The following EVI5 variants were observed in gnomAD, a reference collection of about 807,000 sequenced individuals.
EVI5 encodes ecotropic viral integration site 5.
Under a neutral mutation model 112.0 loss-of-function variants are expected in EVI5, and 73 were observed. The ratio of observed to expected loss-of-function variants is 0.65; its 90% CI spans 0.54 to 0.79. The LOEUF (loss-of-function observed/expected upper bound fraction) is 0.79. Ranked by LOEUF, EVI5 falls within the 30% of genes least tolerant of loss-of-function variation. The probability of loss-of-function intolerance (pLI) is 0.00; values close to 1 mark genes in which losing one functional copy is unlikely to be tolerated. For missense variants in EVI5, 900 were observed against 968.8 expected, an observed-to-expected ratio of 0.93 and a Z score of 0.94; for synonymous variants, 305 against 319.9, an observed-to-expected ratio of 0.95 and a Z score of 0.50.
At chr1:92,561,596 T>TATCTATCC (rs1668575834) in intron 19 of EVI5, among the ~76,000 whole-genome samples, 1 of 148,806 alleles carries the variant, frequency 6.7e-6, no homozygotes, top group Non-Finnish European at 1.5e-5. Context: ...TCTATCTATC[T>TATCTATCC]ATCTAATCTA....
intron 1 of EVI5, among the ~76,000 whole-genome samples, chr1:92,775,731 T>A (rs1335455189): frequency 6.6e-6 from 1 of 152,232 alleles, no homozygotes; most frequent in Non-Finnish European, 1.5e-5. Context: ...GACTGACTGT[T>A]ACTAACTTGT....
intron 10 of EVI5, 129 bp from the exon 11 acceptor site, chr1:92,666,121 A>T: frequency 1.7e-6 from 1 of 588,218 alleles, no homozygotes; most frequent in Non-Finnish European, 3.0e-6. Flanking sequence ...TTACATTATC[A>T]AATGTCAAAG....
Position 92,614,090 on chromosome 1 carries a change from C to T in EVI5, c.1828-6363G>A, listed in dbSNP as rs1035379254. On this transcript the variant is annotated intron_variant, in intron 16 of 19. Coordinates refer to ENST00000684568, the MANE Select transcript of EVI5 (RefSeq NM_001350197.2). Reference sequence around the variant, plus strand: ...TTACTAAGGGAAAAATAAAGTATTGCTAAGGGAATTTGAAGCCTATGGTGC... The same window carrying T: ...TTACTAAGGGAAAAATAAAGTATTGTTAAGGGAATTTGAAGCCTATGGTGC... 3.9e-5 allele frequency among the ~76,000 whole-genome samples: 6 copies of T among 152,174 alleles called. No individual in the cohort carries two copies. In the South Asian group the frequency reaches 6.2e-4, roughly 16 times the overall value.
chr1:92,632,138 T>A (rs2101858286), intron 14 of EVI5, among the ~76,000 whole-genome samples: 1 of 152,334 alleles, frequency 6.6e-6, no homozygotes, highest in African/African-American at 2.4e-5. Flanking sequence ...GGTCTAAAAT[T>A]CTCTTTTTTT....
In EVI5 at chr1:92,790,178, A is replaced by G. The variant is rs1685982353; in HGVS notation, c.51+2166T>C. Reference sequence around the variant, plus strand: ...ATAAAAATAAAAAAATTAGCTAGGTATGTTGGCACAACTGTAGCTATTCTG... The same window carrying G: ...ATAAAAATAAAAAAATTAGCTAGGTGTGTTGGCACAACTGTAGCTATTCTG... On this transcript the variant is annotated intron_variant, in intron 1 of 17. Coordinates refer to the EVI5 transcript ENST00000370331. 3.3e-5 allele frequency among the ~76,000 whole-genome samples: 5 copies of G among 152,160 alleles called. No homozygotes were observed. The South Asian group carries it at 8.3e-4, about 25-fold the overall frequency.
chr1:92,572,671 C>T (rs1473173762), intron 18 of EVI5, among the ~76,000 whole-genome samples: 2 of 152,060 alleles, frequency 1.3e-5, no homozygotes, highest in Admixed American at 6.6e-5. Context: ...ACCACCCTAA[C>T]TCCATGGGTA....
At chr1:92,695,698 A>G (rs1670214251) in intron 6 of EVI5, among the ~76,000 whole-genome samples, 1 of 152,176 alleles carries the variant, frequency 6.6e-6, no homozygotes. Context: ...AAACTGAATA[A>G]AAGTTTTATA....
chr1:92,737,240 G>T (rs1012052390), intron 1 of EVI5, among the ~76,000 whole-genome samples: 8 of 152,116 alleles, frequency 5.3e-5, no homozygotes, highest in African/African-American at 1.9e-4. Flanking sequence ...TAAATGGCTG[G>T]GTTAATAGAA....
At chr1:92,549,963 T>C (rs1666506647) in intron 19 of EVI5, among the ~76,000 whole-genome samples, 1 of 152,130 alleles carries the variant, frequency 6.6e-6, no homozygotes, top group Admixed American at 6.5e-5. Flanking sequence ...GATCTAGAAC[T>C]AGAAATACCA....
rs1187957356 is a variant in EVI5 at position 92,510,387 on chromosome 1, T to C, written c.*3269A>G. ...TTCTCCAAAGATACAGATATCTTTC[T>C]ACAGTTTTCTATGGAATAAGAGACT... is the stretch of plus-strand genomic sequence containing the variant. On this transcript the variant is annotated 3_prime_UTR_variant, in exon 20 of 20. Transcript: ENST00000684568. 1 of 152,218 alleles carries C rather than the reference T, an allele frequency of 6.6e-6. No individual in the cohort carries two copies. The highest frequency in any genetic ancestry group is 1.9e-4 in the East Asian group (1 of 5,204). The allele number at this position is 152,218 out of a possible 1,614,324, so 9.4% of individuals were successfully genotyped here.
At chr1:92,593,309 C>T (rs562770196) in intron 18 of EVI5, among the ~76,000 whole-genome samples, 106 of 152,124 alleles carry the variant, frequency 7.0e-4, no homozygotes, top group East Asian at 3.1e-3. Context: ...ACAGAACCAA[C>T]GACAAAAATC....
At chr1:92,766,230 G>A (rs1249073748) in intron 1 of EVI5, among the ~76,000 whole-genome samples, 6 of 151,526 alleles carry the variant, frequency 4.0e-5, no homozygotes, top group East Asian at 1.9e-4. Context: ...GTTCAAGCTC[G>A]CAAGTGAGGA....
At chr1:92,690,101 C>T (rs1484803484) in intron 9 of EVI5, among the ~76,000 whole-genome samples, 2 of 151,598 alleles carry the variant, frequency 1.3e-5, no homozygotes, top group Non-Finnish European at 2.9e-5. Context: ...TGGTCTCAAA[C>T]TCCCAGGCTC....
intron 19 of EVI5, among the ~76,000 whole-genome samples, chr1:92,549,877 A>T (rs1666487967): frequency 6.6e-6 from 1 of 152,216 alleles, no homozygotes; most frequent in African/African-American, 2.4e-5. Flanking sequence ...GTGGAGAAAT[A>T]GGAACACTTT....
chr1:92,575,712 C>T (rs1240408552), intron 18 of EVI5, among the ~76,000 whole-genome samples: 1 of 151,710 alleles, frequency 6.6e-6, no homozygotes, highest in East Asian at 1.9e-4. Flanking sequence ...TACAGGCATG[C>T]ACCAGCACAC....
At chr1:92,577,036 T>TAA (rs1196168598) in intron 18 of EVI5, among the ~76,000 whole-genome samples, 1 of 152,194 alleles carries the variant, frequency 6.6e-6, no homozygotes, top group African/African-American at 2.4e-5. Flanking sequence ...CCTTGTAAGA[T>TAA]ACTTAAGACT....
chr1:92,589,574 G>C (rs912785045), intron 18 of EVI5, among the ~76,000 whole-genome samples: 1 of 152,108 alleles, frequency 6.6e-6, no homozygotes, highest in Non-Finnish European at 1.5e-5. Flanking sequence ...GGGGAGGGGC[G>C]CCTGCCACTG....
Position 92,675,685 on chromosome 1 carries a change from G to A in EVI5, c.1158+1473C>T, listed in dbSNP as rs1195081055. The stretch of plus-strand genomic sequence containing the variant: ...AAGAAAAGCAAATAGGGCTGGACGC[G>A]GTGGCTCACGCCTGTAATCCTAGCA... On this transcript the variant is annotated intron_variant, in intron 10 of 19. Transcript: ENST00000684568. Among the ~76,000 whole-genome samples the A allele has an allele frequency of 5.9e-5, 9 of 152,126 alleles. No individual in the cohort carries two copies. In the South Asian group the frequency reaches 1.2e-3, roughly 21 times the overall value.
intron 13 of EVI5, among the ~76,000 whole-genome samples, chr1:92,645,019 G>A (rs1660685756): frequency 6.6e-6 from 1 of 152,128 alleles, no homozygotes; most frequent in Admixed American, 6.5e-5. Context: ...ATATCTATCA[G>A]GGCAGGTTGG....
Sources: allele counts gnomAD v4.1 joint callset (sites outside exome capture counted in the v4.1 genomes callset), GRCh38; gene constraint gnomAD v4.1.1; transcripts MANE v1.5; gene names NCBI Gene and HGNC (gene_info 2026-07-23, HGNC 2026-07-21).